The following MBD5 variants were observed in gnomAD, a reference collection of about 807,000 sequenced individuals.
MBD5 encodes the protein methyl-CpG-binding domain protein 5.
MBD5 carries 13 observed loss-of-function variants against 117.3 expected under a neutral mutation model. That is an observed-to-expected ratio of 0.11 (90% confidence interval 0.07 to 0.18). MBD5 has a LOEUF of 0.18. Ranked by LOEUF, MBD5 falls within the 10% of genes least tolerant of loss-of-function variation. MBD5 has a pLI of 1.00. For synonymous variants in MBD5, 727 were observed against 766.4 expected, an observed-to-expected ratio of 0.95 and a Z score of 0.85; for missense variants, 1,879 against 2,093.8, an observed-to-expected ratio of 0.90 and a Z score of 2.00.
intron 2 of MBD5, among the ~76,000 whole-genome samples, chr2:148,217,063 A>G (rs1199171658): frequency 6.6e-6 from 1 of 152,242 alleles, no homozygotes; most frequent in Non-Finnish European, 1.5e-5. Flanking sequence ...ATAAGCATAC[A>G]ATCTGGCAAA....
intron 1 of MBD5, among the ~76,000 whole-genome samples, chr2:148,146,987 C>A (rs1697483936): frequency 6.6e-6 from 1 of 151,940 alleles, no homozygotes; most frequent in Non-Finnish European, 1.5e-5. Flanking sequence ...TAATTTCTTT[C>A]TTTTTACTGT....
intron 4 of MBD5, among the ~76,000 whole-genome samples, chr2:148,351,955 A>T (rs185021374): frequency 8.6e-5 from 13 of 152,030 alleles, no homozygotes; most frequent in Admixed American, 5.2e-4. Context: ...TGCCCTTTGT[A>T]CCCTGTCTGG....
At chr2:148,306,835 C>T (rs1013512892) in intron 3 of MBD5, among the ~76,000 whole-genome samples, 2 of 151,928 alleles carry the variant, frequency 1.3e-5, no homozygotes, top group Admixed American at 6.6e-5. Flanking sequence ...ACAATAATAA[C>T]CAGAAAAGAG....
intron 1 of MBD5, among the ~76,000 whole-genome samples, chr2:148,061,989 T>C (rs1205327337): frequency 6.6e-6 from 1 of 151,686 alleles, no homozygotes; most frequent in African/African-American, 2.4e-5. Flanking sequence ...TTTACATCTA[T>C]AGAGGGCTTA....
intron 4 of MBD5, chr2:148,347,200 A>G (rs1051087688): frequency 2.6e-5 from 4 of 152,000 alleles, no homozygotes; most frequent in Non-Finnish European, 4.4e-5. Context: ...CCTGGGCAAC[A>G]TAGACCCTGT....
At chr2:148,274,731 T>TG (rs1701065455) in intron 3 of MBD5, among the ~76,000 whole-genome samples, 4 of 151,442 alleles carry the variant, frequency 2.6e-5, no homozygotes, top group South Asian at 4.2e-4. Flanking sequence ...TTTTGTTTTT[T>TG]TTTTTTTTGA....
chr2:148,369,719 A>T (rs1703801126), intron 4 of MBD5, among the ~76,000 whole-genome samples: 1 of 152,138 alleles, frequency 6.6e-6, no homozygotes, highest in Non-Finnish European at 1.5e-5. Context: ...AGCTTTTGGT[A>T]TACTCCTGTG....
At chr2:148,121,868 TAAAA>T (rs1272838550) in intron 1 of MBD5, among the ~76,000 whole-genome samples, 1 of 152,154 alleles carries the variant, frequency 6.6e-6, no homozygotes, top group Non-Finnish European at 1.5e-5. Flanking sequence ...GGATATAAGT[TAAAA>T]GAAAGAAAGG....
At chr2:148,143,827 T>C (rs4008060) in intron 1 of MBD5, among the ~76,000 whole-genome samples, 146,522 of 152,104 alleles carry the variant, frequency 0.96, 70,811 homozygotes, top group East Asian at 1. Context: ...GTATATGTGC[T>C]ACATTTTCTT....
At chr2:148,448,541 A>G (rs1440166794) in intron 4 of MBD5, among the ~76,000 whole-genome samples, 5 of 151,920 alleles carry the variant, frequency 3.3e-5, no homozygotes, top group Non-Finnish European at 7.4e-5. Flanking sequence ...ATTTGTTTAT[A>G]TACTTTATAT....
At chr2:148,226,438 A>G (rs1482393124) in intron 2 of MBD5, among the ~76,000 whole-genome samples, 4 of 152,160 alleles carry the variant, frequency 2.6e-5, no homozygotes, top group East Asian at 1.9e-4. Context: ...CAAAGGACAT[A>G]AACTCATCAT....
At chr2:148,476,283 G>A (rs1680961960) in intron 8 of MBD5, among the ~76,000 whole-genome samples, 1 of 152,126 alleles carries the variant, frequency 6.6e-6, no homozygotes, top group Non-Finnish European at 1.5e-5. Flanking sequence ...TGATCCTAAA[G>A]CAGTATTTTT....
At chr2:148,134,265 G>T (rs561168880) in intron 1 of MBD5, among the ~76,000 whole-genome samples, 85 of 152,108 alleles carry the variant, frequency 5.6e-4, no homozygotes, top group African/African-American at 1.7e-3. Context: ...GAAAGTAATA[G>T]AGATACAGAT....
intron 1 of MBD5, among the ~76,000 whole-genome samples, chr2:148,036,969 T>G (rs1322434843): frequency 6.6e-6 from 1 of 151,988 alleles, no homozygotes; most frequent in Admixed American, 6.6e-5. Context: ...ATCAAAACAC[T>G]CAGAAGCATT....
Position 148,515,980 on chromosome 2 carries a change from C to A in MBD5, c.*3039C>A, listed in dbSNP as rs1410921610. ...ATTATGAATGAAAATGTTTTAAGAACATTCATCCCTTGTGATATCATGGGC... is the reference window on the plus strand; with the variant it reads ...ATTATGAATGAAAATGTTTTAAGAAAATTCATCCCTTGTGATATCATGGGC... On this transcript the variant is annotated 3_prime_UTR_variant, in exon 14 of 14. Transcript: ENST00000642680. 1 of 152,204 alleles carries A rather than the reference C, an allele frequency of 6.6e-6. No individual in the cohort carries two copies. Among genetic ancestry groups the A allele is most frequent in the Non-Finnish European group, 1.5e-5 (1 of 68,036 alleles). 9.4% of individuals were successfully genotyped at this position (152,204 alleles called of 1,614,324 possible). A position where few individuals can be genotyped will look rare whatever the true frequency, so the allele number is the denominator to read the frequency against.
At chr2:148,328,529 G>C (rs1311065749) in intron 3 of MBD5, among the ~76,000 whole-genome samples, 1 of 152,258 alleles carries the variant, frequency 6.6e-6, no homozygotes. Flanking sequence ...CCAGGTGCAG[G>C]ATATAATCTC....
intron 3 of MBD5, among the ~76,000 whole-genome samples, chr2:148,336,268 C>G (rs1014315935): frequency 6.6e-6 from 1 of 152,196 alleles, no homozygotes; most frequent in African/African-American, 2.4e-5. Flanking sequence ...CTGGTACCCC[C>G]ACCAATAACA....
At chr2:148,507,713 CTG>C in intron 12 of MBD5, among the ~76,000 whole-genome samples, 1 of 150,120 alleles carries the variant, frequency 6.7e-6, no homozygotes, top group Non-Finnish European at 1.5e-5. Context: ...TGAGCCGAGA[CTG>C]CGCCACTGCA....
At chr2:148,389,251 C>CATATATATAT (rs70995314) in intron 4 of MBD5, among the ~76,000 whole-genome samples, 12 of 32,386 alleles carry the variant, frequency 3.7e-4, no homozygotes, top group Non-Finnish European at 5.4e-4. Flanking sequence ...GAAAAAAAAA[C>CATATATATAT]ATATATATAT....
Sources: allele counts gnomAD v4.1 joint callset (sites outside exome capture counted in the v4.1 genomes callset), GRCh38; gene constraint gnomAD v4.1.1; transcripts MANE v1.5; gene names NCBI Gene and HGNC (gene_info 2026-07-23, HGNC 2026-07-21).